MARCHF8: variants seen among roughly 807,000 people sequenced by gnomAD.
MARCHF8 encodes the protein E3 ubiquitin-protein ligase MARCHF8.
A neutral mutation model predicts 51.6 loss-of-function variants in MARCHF8; 40 were observed. The ratio of observed to expected loss-of-function variants is 0.77; its 90% CI spans 0.60 to 1.01. The LOEUF is 1.01. MARCHF8 is among the 50% of genes least tolerant of loss of function. The pLI is 0.00. For missense variants in MARCHF8, 685 were observed against 708.6 expected, an observed-to-expected ratio of 0.97 and a Z score of 0.38; for synonymous variants, 263 against 280.3, an observed-to-expected ratio of 0.94 and a Z score of 0.62.
Position 45,533,267 on chromosome 10 carries a change from C to A in MARCHF8, c.-56G>T, listed in dbSNP as rs1262892954. 3.3e-6 allele frequency: 5 copies of A among 1,531,944 alleles called. No individual in the cohort carries two copies. The highest frequency in any genetic ancestry group is 2.8e-5 in the African/African-American group (2 of 71,938). The allele number at this position is 1,531,944 out of a possible 1,614,324, so 94.9% of individuals were successfully genotyped here. Reference sequence around the variant, plus strand: ...AGAAGAGAGTCTCCACTGGTAGAGTCATTTTGGGCCATGGATTTCAAGCTG... The same window carrying A: ...AGAAGAGAGTCTCCACTGGTAGAGTAATTTTGGGCCATGGATTTCAAGCTG... On this transcript the variant is annotated 5_prime_UTR_variant, in exon 2 of 8. The change abolishes an upstream ATG in the 5' untranslated region. Coordinates refer to ENST00000453424, the MANE Select transcript of MARCHF8 (RefSeq NM_001282866.2).
intron 1 of MARCHF8, among the ~76,000 whole-genome samples, chr10:45,574,705 G>A (rs112212588): frequency 0.025 from 3,764 of 152,140 alleles, 160 homozygotes; most frequent in African/African-American, 0.085. Flanking sequence ...TGCATGTGGC[G>A]GCTACCGCTG....
At position 45,463,957 on chromosome 10, in the gene MARCHF8, G is replaced by A. The variant is rs915089515; in HGVS notation, c.282C>T (p.Ser94=). The A allele has an allele frequency of 3.9e-6, 6 of 1,535,938 alleles. No individual in the cohort carries two copies. In the East Asian group the frequency reaches 7.3e-5, roughly 19 times the overall value. The change falls in exon 5 of 8, where the codon TCC becomes TCT. Residue 94 remains serine (S), a synonymous_variant. Coordinates refer to ENST00000453424, the MANE Select transcript of MARCHF8 (RefSeq NM_001282866.2). ...CTTTCGAGACAACAGCAGACTGCAC[G>A]GAACTGTGGTGACAACACTCAGAAA... is the stretch of plus-strand genomic sequence containing the variant. The part of the protein sequence containing the change: ...AVFSECCHHS[S]VQSAVVSKAP...
upstream of MARCHF8, among the ~76,000 whole-genome samples, chr10:45,538,958 C>G (rs868659756): frequency 8.5e-5 from 13 of 152,162 alleles, no homozygotes; most frequent in South Asian, 2.1e-4. Context: ...CAGCTCTGCA[C>G]CAAGCGGACC....
intron 2 of MARCHF8, among the ~76,000 whole-genome samples, chr10:45,511,237 A>T (rs1220425720): frequency 1.3e-5 from 2 of 152,242 alleles, no homozygotes; most frequent in Non-Finnish European, 2.9e-5. Flanking sequence ...TTAATTATAC[A>T]TTAGTAAAAT....
At chr10:45,514,335 G>A (rs1389067041) in intron 2 of MARCHF8, among the ~76,000 whole-genome samples, 1 of 152,246 alleles carries the variant, frequency 6.6e-6, no homozygotes, top group Admixed American at 6.5e-5. Context: ...TCTCCTACCT[G>A]AAGCTTCATT....
At chr10:45,572,326 G>A (rs1331360995) in intron 1 of MARCHF8, among the ~76,000 whole-genome samples, 1 of 151,294 alleles carries the variant, frequency 6.6e-6, no homozygotes, top group Non-Finnish European at 1.5e-5. Flanking sequence ...CTTTTCTCTG[G>A]ACTTGCCTCC....
intron 2 of MARCHF8, among the ~76,000 whole-genome samples, chr10:45,497,654 G>A (rs920546960): frequency 7.9e-5 from 12 of 151,638 alleles, no homozygotes; most frequent in Admixed American, 3.9e-4. Flanking sequence ...TCACAAATGC[G>A]GAAATTAAAC....
At chr10:45,487,976 C>T (rs981204448) in intron 3 of MARCHF8, among the ~76,000 whole-genome samples, 1 of 152,064 alleles carries the variant, frequency 6.6e-6, no homozygotes, top group Non-Finnish European at 1.5e-5. Context: ...TTACAAAGAA[C>T]TTTCATGGCC....
chr10:45,562,854 A>C (rs1423243684), intron 1 of MARCHF8, among the ~76,000 whole-genome samples: 1 of 152,214 alleles, frequency 6.6e-6, no homozygotes, highest in Non-Finnish European at 1.5e-5. Flanking sequence ...ATCAGTGTTT[A>C]AGGTAAGGGC....
At chr10:45,498,867 A>G (rs910369704) in intron 2 of MARCHF8, among the ~76,000 whole-genome samples, 1 of 152,318 alleles carries the variant, frequency 6.6e-6, no homozygotes, top group Admixed American at 6.5e-5. Flanking sequence ...GGACACTTGT[A>G]TTGCTTCCAC....
chr10:45,459,046 A>C (rs1842700771), intron 7 of MARCHF8, 74 bp downstream of exon 7: 3 of 1,580,130 alleles, frequency 1.9e-6, no homozygotes, highest in African/African-American at 1.4e-5. Flanking sequence ...GCTAACTGGA[A>C]AATCCTCTGA....
chr10:45,464,252 G>T lies in MARCHF8; in HGVS notation c.229C>A (p.Gln77Lys). ...FSRTSITPSS[Q>K]DICSSSAVFS... ...GCAGAGTGTTACCTGCAGATGTCCTGGCTGGATGGCGTGATAGAAGTGCGA... is the reference window on the plus strand; with the variant it reads ...GCAGAGTGTTACCTGCAGATGTCCTTGCTGGATGGCGTGATAGAAGTGCGA... Residue 77 changes from glutamine (Q) to lysine (K), a missense_variant, in exon 4 of 8, where the codon CAG becomes AAG. Gln to Lys is a moderately conservative substitution (Grantham distance 53). Coordinates refer to ENST00000453424, the MANE Select transcript of MARCHF8 (RefSeq NM_001282866.2). The T allele has an allele frequency of 6.2e-7, 1 of 1,614,150 alleles. No individual in the cohort carries two copies. Among genetic ancestry groups the T allele is most frequent in the South Asian group, 1.1e-5 (1 of 91,086 alleles).
intron 3 of MARCHF8, among the ~76,000 whole-genome samples, chr10:45,467,157 C>A (rs1287629348): frequency 6.6e-6 from 1 of 152,208 alleles, no homozygotes; most frequent in Non-Finnish European, 1.5e-5. Context: ...GCTCTCATTT[C>A]ACCATTTCCA....
chr10:45,488,589 C>T (rs2043026589), intron 3 of MARCHF8, among the ~76,000 whole-genome samples: 1 of 152,162 alleles, frequency 6.6e-6, no homozygotes, highest in Admixed American at 6.5e-5. Context: ...CACGACTGCT[C>T]CGGCCGACTG....
In MARCHF8 at chr10:45,464,009, C is replaced by G; in HGVS notation, c.243-13G>C. The stretch of plus-strand genomic sequence containing the variant: ...CACTGCACTGGAACTGCATGCAGAA[C>G]AGTGGGATAAAAGCACAGAAAGTAA... On this transcript the variant is annotated splice_polypyrimidine_tract_variant and intron_variant, in intron 4 of 7. Coordinates refer to ENST00000453424, the MANE Select transcript of MARCHF8 (RefSeq NM_001282866.2). 6.6e-7 allele frequency: 1 copy of G among 1,522,272 alleles called. No individual in the cohort carries two copies. Among genetic ancestry groups the G allele is most frequent in the Non-Finnish European group, 8.8e-7 (1 of 1,141,188 alleles). 94.3% of individuals were successfully genotyped at this position (1,522,272 alleles called of 1,614,324 possible).
intron 2 of MARCHF8, among the ~76,000 whole-genome samples, chr10:45,519,486 A>G (rs1411548977): frequency 6.6e-6 from 1 of 152,196 alleles, no homozygotes; most frequent in Non-Finnish European, 1.5e-5. Context: ...GCCAGAGAGG[A>G]AATATTTTAT....
At chr10:45,461,660 C>T (rs1357253712) in intron 5 of MARCHF8, 1 of 329,228 alleles carries the variant, frequency 3.0e-6, no homozygotes, top group Non-Finnish European at 5.5e-6. Flanking sequence ...TAAGAAATGA[C>T]AAAGCTGTCA....
At chr10:45,552,924 CAT>C (rs1393390350) in intron 1 of MARCHF8, among the ~76,000 whole-genome samples, 3 of 152,298 alleles carry the variant, frequency 2.0e-5, no homozygotes, top group Non-Finnish European at 4.4e-5. Flanking sequence ...AATGGACAAA[CAT>C]GTGGCTACAA....
intron 2 of MARCHF8, among the ~76,000 whole-genome samples, chr10:45,530,133 A>G (rs576111862): frequency 4.6e-5 from 7 of 152,212 alleles, no homozygotes; most frequent in Admixed American, 1.3e-4. Context: ...TTGTAGCAAC[A>G]TGGATAGAAC....
Sources: allele counts gnomAD v4.1 joint callset (sites outside exome capture counted in the v4.1 genomes callset), GRCh38; gene constraint gnomAD v4.1.1; transcripts MANE v1.5; gene names NCBI Gene and HGNC (gene_info 2026-07-23, HGNC 2026-07-21).